ZRANB3: variants seen among roughly 807,000 people sequenced by gnomAD.
ZRANB3 encodes DNA annealing helicase and endonuclease ZRANB3.
In ZRANB3, 125 loss-of-function variants were observed where a neutral mutation model predicts 133.8. That is an observed-to-expected ratio of 0.93 (90% CI 0.81 to 1.08). The LOEUF (loss-of-function observed/expected upper bound fraction) is 1.08. ZRANB3 is among the 50% of genes least tolerant of loss of function. ZRANB3 has a pLI of 0.00. For synonymous variants in ZRANB3, 387 were observed against 432.7 expected (o/e 0.89, Z 1.31); for missense variants, 1,229 against 1,275.5 (o/e 0.96, Z 0.56).
At chr2:135,470,547 A>G (rs1691210410) in intron 2 of ZRANB3, among the ~76,000 whole-genome samples, 1 of 150,390 alleles carries the variant, frequency 6.6e-6, no homozygotes. Flanking sequence ...ATTAGCTGGG[A>G]GTGGTGGCAG....
chr2:135,305,174 C>T (rs1001508121), intron 8 of ZRANB3, among the ~76,000 whole-genome samples: 6 of 152,082 alleles, frequency 3.9e-5, no homozygotes, highest in South Asian at 2.1e-4. Flanking sequence ...GACGGGGTTT[C>T]GCCATGTTTG....
At chr2:135,230,330 G>A (rs554753916) in intron 13 of ZRANB3, among the ~76,000 whole-genome samples, 183 bp downstream of exon 13, 1 of 152,170 alleles carries the variant, frequency 6.6e-6, no homozygotes, top group African/African-American at 2.4e-5. Flanking sequence ...ACAGAACTGA[G>A]AGCTTTTCAC....
intron 2 of ZRANB3, among the ~76,000 whole-genome samples, chr2:135,464,648 G>C (rs890964255): frequency 6.6e-6 from 1 of 152,160 alleles, no homozygotes. Flanking sequence ...TGCCACATCG[G>C]TATCTGTTAC....
At chr2:135,422,593 T>C (rs1461233522) in intron 2 of ZRANB3, among the ~76,000 whole-genome samples, 2 of 151,948 alleles carry the variant, frequency 1.3e-5, no homozygotes, top group African/African-American at 4.8e-5. Flanking sequence ...AAAAGCGCCT[T>C]AACAGAAAAG....
chr2:135,472,416 C>T (rs1266868978), intron 2 of ZRANB3, among the ~76,000 whole-genome samples: 3 of 149,324 alleles, frequency 2.0e-5, no homozygotes, highest in South Asian at 2.1e-4. Context: ...AGGAGAATGG[C>T]GTGAACCCGG....
chr2:135,293,239 C>G (rs1681857178), intron 8 of ZRANB3, among the ~76,000 whole-genome samples: 1 of 152,050 alleles, frequency 6.6e-6, no homozygotes, highest in African/African-American at 2.4e-5. Flanking sequence ...ATGGAATGTT[C>G]TTCCATTTGT....
rs6721694 is a variant in ZRANB3 at position 135,207,432 on chromosome 2, A to G, written c.3009+2T>C. The G allele has an allele frequency of 5.5e-3, 8,739 of 1,600,650 alleles. 354 individuals carry two copies. In the African/African-American group the frequency reaches 0.096, roughly 18 times the overall value. ...TCTATCTATCACATGATTATAACTT[A>G]CCTGTTCTAATGGGAGCTTTGAAGT... On this transcript the variant is annotated splice_donor_variant, in intron 19 of 20. Transcript: ENST00000264159. LOFTEE classifies it high-confidence loss of function.
In ZRANB3 at chr2:135,486,129, A is replaced by C. The variant is rs565084961; in HGVS notation, c.161+18200T>G. Reference sequence around the variant, plus strand: ...CGGCTGTGGCAATTTCTTGAAAATAAGGCAACAATGACTTATGCCACATCA... The same window carrying C: ...CGGCTGTGGCAATTTCTTGAAAATACGGCAACAATGACTTATGCCACATCA... On this transcript the variant is annotated intron_variant, in intron 2 of 20. Coordinates refer to ENST00000264159, the MANE Select transcript of ZRANB3 (RefSeq NM_032143.4). Among the ~76,000 whole-genome samples, 6 of 152,316 alleles carry C rather than the reference A, an allele frequency of 3.9e-5. No individual in the cohort carries two copies. In the East Asian group the frequency reaches 1.2e-3, roughly 29 times the overall value.
chr2:135,347,427 G>C (rs1038713346), intron 5 of ZRANB3, among the ~76,000 whole-genome samples: 3 of 151,832 alleles, frequency 2.0e-5, no homozygotes, highest in African/African-American at 7.3e-5. Flanking sequence ...CGAGCAGCTG[G>C]GACTACAGGC....
chr2:135,216,518 C>A lies in ZRANB3; in HGVS notation c.2495+947G>T, dbSNP rs184434938. Among the ~76,000 whole-genome samples, 6 of 152,238 alleles carry A rather than the reference C, an allele frequency of 3.9e-5. No homozygotes were observed. In the East Asian group the frequency reaches 1.2e-3, roughly 29 times the overall value. ...ACAGTGGTACAATCTCAGTTCACTG[C>A]AGCCTCAACCTCCCAGGCTGAAGCG... On this transcript the variant is annotated intron_variant, in intron 17 of 20. Transcript: ENST00000264159.
chr2:135,450,638 C>CA (rs201099999), intron 2 of ZRANB3, among the ~76,000 whole-genome samples: 44 of 149,826 alleles, frequency 2.9e-4, no homozygotes, highest in East Asian at 1.2e-3. Context: ...AACAAAGAAA[C>CA]AAAAAAAAAT....
chr2:135,237,440 G>A (rs1695343974), intron 12 of ZRANB3, among the ~76,000 whole-genome samples: 5 of 151,822 alleles, frequency 3.3e-5, no homozygotes, highest in Admixed American at 3.3e-4. Context: ...CCCATTACTG[G>A]GTATATACCC....
chr2:135,461,017 G>T (rs1011911264), intron 2 of ZRANB3, among the ~76,000 whole-genome samples: 1 of 152,082 alleles, frequency 6.6e-6, no homozygotes, highest in African/African-American at 2.4e-5. Context: ...TAGCTATCAG[G>T]TGCTGTATTA....
chr2:135,360,494 A>AG (rs1685637909), intron 3 of ZRANB3, among the ~76,000 whole-genome samples: 1 of 152,140 alleles, frequency 6.6e-6, no homozygotes, highest in African/African-American at 2.4e-5. Flanking sequence ...TCACAAGGTC[A>AG]GGAGATCGAG....
At chr2:135,449,479 G>C (rs778706315) in intron 2 of ZRANB3, among the ~76,000 whole-genome samples, 2 of 152,124 alleles carry the variant, frequency 1.3e-5, no homozygotes, top group Non-Finnish European at 2.9e-5. Flanking sequence ...AATTAGCCAA[G>C]TGTGGTGGTG....
chr2:135,484,718 A>C (rs943321798), intron 2 of ZRANB3, among the ~76,000 whole-genome samples: 48 of 150,124 alleles, frequency 3.2e-4, no homozygotes, highest in African/African-American at 1.0e-3. Context: ...AATATTAATA[A>C]AATAAAATTA....
At chr2:135,444,909 A>G (rs1004216207) in intron 2 of ZRANB3, among the ~76,000 whole-genome samples, 2 of 152,210 alleles carry the variant, frequency 1.3e-5, no homozygotes, top group African/African-American at 4.8e-5. Flanking sequence ...TTTTGATAAA[A>G]TAAGAAATGA....
At chr2:135,385,250 A>G (rs1686912253) in intron 3 of ZRANB3, among the ~76,000 whole-genome samples, 3 of 152,184 alleles carry the variant, frequency 2.0e-5, no homozygotes, top group South Asian at 2.1e-4. Context: ...AATTGCTTCA[A>G]TGAGAATAAA....
chr2:135,470,012 C>CAA lies in ZRANB3; in HGVS notation c.161+34315_161+34316dup, dbSNP rs776949989. 2.3e-4 allele frequency among the ~76,000 whole-genome samples: 20 copies of CAA among 86,572 alleles called. No individual in the cohort carries two copies. In the South Asian group the frequency reaches 3.5e-3, roughly 15 times the overall value. 56.8% of individuals were successfully genotyped at this position (86,572 alleles called of 152,430 possible). A position where few individuals can be genotyped will look rare whatever the true frequency, so the allele number is the denominator to read the frequency against. On this transcript the variant is annotated intron_variant, in intron 2 of 20. Coordinates refer to ENST00000264159, the MANE Select transcript of ZRANB3 (RefSeq NM_032143.4). ...GGGTGACAGAGCGAGACTCTTACCT[C>CAA]AAAAAAAAAAAAAAAGAAAGAAATA...
Sources: gnomAD v4.1 joint callset for allele counts (sites outside exome capture counted in the v4.1 genomes callset) on GRCh38, gnomAD v4.1.1 for gene constraint, MANE v1.5 for transcripts, NCBI Gene and HGNC (gene_info 2026-07-23, HGNC 2026-07-21) for gene names.